TGFBR2: variants seen among roughly 807,000 people sequenced by gnomAD.
TGFBR2 encodes transforming growth factor beta receptor 2.
Under a neutral mutation model 49.0 loss-of-function variants are expected in TGFBR2, and 18 were observed. That is an observed-to-expected ratio of 0.37 (90% CI 0.25 to 0.54). The LOEUF is 0.54. TGFBR2 is among the 20% of genes least tolerant of loss of function. The probability of loss-of-function intolerance (pLI) is 0.85; values close to 1 mark genes in which losing one functional copy is unlikely to be tolerated. For missense variants in TGFBR2, 525 were observed against 722.6 expected (o/e 0.73, Z 3.13); for synonymous variants, 282 against 275.9 (o/e 1.02, Z -0.22).
rs896940233 is a variant in TGFBR2, at chr3:30,672,403, C to T, written c.1220C>T (p.Thr407Ile). 2 of 1,614,200 alleles carry T rather than the reference C, an allele frequency of 1.2e-6. No individual in the cohort carries two copies. Among genetic ancestry groups the T allele is most frequent in the Non-Finnish European group, 1.7e-6 (2 of 1,180,022 alleles). ...DFGLSLRLDP[T>I]LSVDDLANSG... ...GGGCTTTCCCTGCGTCTGGACCCTACTCTGTCTGTGGATGACCTGGCTAAC... is the reference window on the plus strand; with the variant it reads ...GGGCTTTCCCTGCGTCTGGACCCTATTCTGTCTGTGGATGACCTGGCTAAC... Residue 407 changes from threonine (T) to isoleucine (I), a missense_variant, in exon 4 of 7, where the codon ACT (threonine) becomes ATT (isoleucine). Thr to Ile is a moderately conservative substitution (Grantham distance 89, BLOSUM62 -1). Transcript: ENST00000295754. This position sits in a 1 kb window ranked among gnomAD's most constrained non-coding sequence, Gnocchi z 4.5.
At chr3:30,641,992 A>G (rs1318949886) in intron 1 of TGFBR2, among the ~76,000 whole-genome samples, 1 of 143,746 alleles carries the variant, frequency 7.0e-6, no homozygotes, top group Non-Finnish European at 1.5e-5. Context: ...TTCCCTGTTG[A>G]TTGTGTTCTG....
intron 1 of TGFBR2, among the ~76,000 whole-genome samples, chr3:30,622,136 A>T (rs183224341): frequency 6.6e-6 from 1 of 152,328 alleles, no homozygotes; most frequent in Admixed American, 6.5e-5. Flanking sequence ...TATGATCAGC[A>T]CTTTAATAAA....
chr3:30,610,325 AT>A (rs5847645), intron 1 of TGFBR2, among the ~76,000 whole-genome samples: 4 of 151,156 alleles, frequency 2.6e-5, no homozygotes, highest in African/African-American at 7.3e-5. Flanking sequence ...CAAAAGCCTC[AT>A]TTTTTTTTGT....
At chr3:30,607,132 A>C (rs1697937835) in intron 1 of TGFBR2, among the ~76,000 whole-genome samples, 155 bp downstream of exon 1, 1 of 152,012 alleles carries the variant, frequency 6.6e-6, no homozygotes, top group Non-Finnish European at 1.5e-5. Flanking sequence ...CGACTCCCGT[A>C]GCTGCAGGGA....
chr3:30,691,447 A>G lies in TGFBR2; in HGVS notation c.1552A>G (p.Thr518Ala). The change falls in exon 7 of 7, where the codon ACT (threonine) becomes GCT (alanine). Residue 518 changes from threonine to alanine, a missense_variant. Transcript: ENST00000295754. ...QGIQMVCETL[T>A]ECWDHDPEAR... ...CATCCAGATGGTGTGTGAGACGTTGACTGAGTGCTGGGACCACGACCCAGA... is the reference window on the plus strand; with the variant it reads ...CATCCAGATGGTGTGTGAGACGTTGGCTGAGTGCTGGGACCACGACCCAGA... 1.2e-6 allele frequency: 2 copies of G among 1,613,980 alleles called. No homozygotes were observed. The highest frequency in any genetic ancestry group is 1.6e-4 in the Middle Eastern group (1 of 6,062).
chr3:30,616,507 G>A (rs575302100), intron 1 of TGFBR2, among the ~76,000 whole-genome samples: 1 of 152,290 alleles, frequency 6.6e-6, no homozygotes, highest in African/African-American at 2.4e-5. Flanking sequence ...AGGAATCTAG[G>A]TGTCTGGGTG....
intron 1 of TGFBR2, among the ~76,000 whole-genome samples, chr3:30,610,626 G>C (rs1698012197): frequency 6.6e-6 from 1 of 152,168 alleles, no homozygotes; most frequent in Non-Finnish European, 1.5e-5. Flanking sequence ...TGTGTAGCCT[G>C]TTGTAGTTGC....
intron 1 of TGFBR2, among the ~76,000 whole-genome samples, chr3:30,628,759 T>TG (rs1428978486): frequency 1.3e-5 from 2 of 152,056 alleles, no homozygotes; most frequent in Non-Finnish European, 2.9e-5. Context: ...GACATGAGCC[T>TG]TTACAGGTTT....
chr3:30,629,120 G>A (rs931607901), intron 1 of TGFBR2, among the ~76,000 whole-genome samples: 7 of 152,162 alleles, frequency 4.6e-5, no homozygotes, highest in Non-Finnish European at 1.0e-4. Flanking sequence ...AATTTCTTTA[G>A]ATCAGTGTTG....
rs193922663 is a variant in TGFBR2, at chr3:30,672,368, G to A, written c.1185G>A (p.Leu395=). ...TGAAGAACGACCTAACCTGCTGCCT[G>A]TGTGACTTTGGGCTTTCCCTGCGTC... The part of the protein sequence containing the change: ...ILVKNDLTCC[L]CDFGLSLRLD... The change falls in exon 4 of 7, where the codon CTG becomes CTA. Residue 395 remains leucine (L), a synonymous_variant. Transcript: ENST00000295754. The surrounding 1 kb of genome is among the most constrained non-coding windows in gnomAD (Gnocchi z 4.5). The A allele has an allele frequency of 1.2e-6, 2 of 1,614,210 alleles. No homozygotes were observed. The highest frequency in any genetic ancestry group is 1.1e-5 in the South Asian group (1 of 91,088).
Position 30,634,452 on chromosome 3 carries a change from A to T in TGFBR2, c.95-10295A>T, listed in dbSNP as rs190025314. On this transcript the variant is annotated intron_variant, in intron 1 of 6. Transcript: ENST00000295754. ...TGCATTTTTAAAAATTCCCTAGAAG[A>T]ACTTAAAGATCTTGAGGAAAGGACC... Among the ~76,000 whole-genome samples, 225 of 152,344 alleles carry T rather than the reference A, an allele frequency of 1.5e-3. 1 individual carries two copies. The highest frequency in any genetic ancestry group is 5.1e-3 in the African/African-American group (212 of 41,586).
At chr3:30,628,712 G>A (rs1470758695) in intron 1 of TGFBR2, among the ~76,000 whole-genome samples, 1 of 151,848 alleles carries the variant, frequency 6.6e-6, no homozygotes, top group Non-Finnish European at 1.5e-5. Context: ...ATTTATCTTG[G>A]GCTCAGGGAT....
intron 3 of TGFBR2, among the ~76,000 whole-genome samples, chr3:30,662,520 A>C (rs145194079): frequency 3.9e-5 from 6 of 152,232 alleles, no homozygotes; most frequent in Admixed American, 3.9e-4. Flanking sequence ...TCATCATTTG[A>C]GGAAAAAATA....
At chr3:30,627,601 C>T (rs1010502801) in intron 1 of TGFBR2, among the ~76,000 whole-genome samples, 22 of 151,666 alleles carry the variant, frequency 1.5e-4, no homozygotes, top group Non-Finnish European at 2.7e-4. Flanking sequence ...GTCTTAGATC[C>T]ACTGTTCAAT....
At chr3:30,663,511 G>GT (rs1296967387) in intron 3 of TGFBR2, among the ~76,000 whole-genome samples, 1 of 152,132 alleles carries the variant, frequency 6.6e-6, no homozygotes, top group African/African-American at 2.4e-5. Flanking sequence ...ATTGTAGGAA[G>GT]TTTTTTTAAA....
intron 3 of TGFBR2, among the ~76,000 whole-genome samples, chr3:30,657,086 G>A (rs1699014734): frequency 6.6e-6 from 1 of 152,134 alleles, no homozygotes; most frequent in South Asian, 2.1e-4. Flanking sequence ...AGAGGAGCTG[G>A]GATTTTCCAA....
At position 30,676,715 on chromosome 3, in the gene TGFBR2, G is replaced by C. The variant is rs182570550; in HGVS notation, c.1396+2469G>C. Reference sequence around the variant, plus strand: ...GAATATGCATAGCCAATTCTCCAGCGTGGGTCCGGGTCACCCCCTCCCATC... The same window carrying C: ...GAATATGCATAGCCAATTCTCCAGCCTGGGTCCGGGTCACCCCCTCCCATC... On this transcript the variant is annotated intron_variant, in intron 5 of 6. Coordinates refer to ENST00000295754, the MANE Select transcript of TGFBR2 (RefSeq NM_003242.6). This position sits in a 1 kb window ranked among gnomAD's most constrained non-coding sequence, Gnocchi z 4.3. Among the ~76,000 whole-genome samples the C allele has an allele frequency of 6.6e-6, 1 of 152,304 alleles. No individual in the cohort carries two copies. Among genetic ancestry groups the C allele is most frequent in the South Asian group, 2.1e-4 (1 of 4,814 alleles).
chr3:30,636,428 T>C (rs1263263191), intron 1 of TGFBR2, among the ~76,000 whole-genome samples: 1 of 152,152 alleles, frequency 6.6e-6, no homozygotes, highest in African/African-American at 2.4e-5. Flanking sequence ...TTAGGTATTG[T>C]TTCTCCACTT....
chr3:30,624,394 G>A (rs1698290972), intron 1 of TGFBR2, among the ~76,000 whole-genome samples: 1 of 152,008 alleles, frequency 6.6e-6, no homozygotes, highest in African/African-American at 2.4e-5. Flanking sequence ...GAGGAGGGCA[G>A]ATCACGAGGT....
Sources: allele counts gnomAD v4.1 joint callset (sites outside exome capture counted in the v4.1 genomes callset), GRCh38; gene constraint gnomAD v4.1.1; non-coding constraint Gnocchi (gnomAD v3.1); transcripts MANE v1.5; gene names NCBI Gene and HGNC (gene_info 2026-07-23, HGNC 2026-07-21).